The following CYP2E1 variants were observed in gnomAD, a reference collection of about 807,000 sequenced individuals.
CYP2E1 encodes cytochrome P450 2E1.
A neutral mutation model predicts 42.9 loss-of-function variants in CYP2E1; 31 were observed. The observed-to-expected ratio is 0.72, with a 90% confidence interval of 0.54 to 0.98. The LOEUF (loss-of-function observed/expected upper bound fraction) is 0.98, where lower values mean the gene tolerates loss of function less well. Ranked by LOEUF, CYP2E1 falls within the 50% of genes least tolerant of loss-of-function variation. CYP2E1 has a pLI of 0.00. For missense variants in CYP2E1, 565 were observed against 633.2 expected (o/e 0.89, Z 1.16); for synonymous variants, 244 against 248.9 (o/e 0.98, Z 0.19).
rs1851417706 is a variant in CYP2E1 at position 133,537,238 on chromosome 10, C to T, written c.1143C>T (p.Tyr381=). The T allele has an allele frequency of 6.2e-7, 1 of 1,613,702 alleles. No homozygotes were observed. Among genetic ancestry groups the T allele is most frequent in the Admixed American group, 1.7e-5 (1 of 59,974 alleles). The change falls in exon 7 of 9, where the codon TAC becomes TAT. Residue 381 remains tyrosine, a synonymous_variant. Transcript: ENST00000252945. ...EATRDTIFRG[Y]LIPKGTVVVP... is the part of the protein sequence containing the mutation. ...CCCGAGACACCATTTTCAGAGGATA[C>T]CTCATCCCCAAGGTTAAGCAATGAG...
intron 7 of CYP2E1, 93 bp downstream of exon 7, chr10:133,537,343 T>G: frequency 2.2e-6 from 3 of 1,335,174 alleles, no homozygotes; most frequent in Non-Finnish European, 3.1e-6. Context: ...CCCAAGACCC[T>G]TCCCTTTGGC....
chr10:133,532,412 G>T, intron 4 of CYP2E1, 128 bp downstream of exon 4: 16 of 934,078 alleles, frequency 1.7e-5, no homozygotes, highest in Non-Finnish European at 2.6e-5. Flanking sequence ...AGGGGTGTTT[G>T]ATTAGACAGC....
At chr10:133,528,790 T>G in intron 2 of CYP2E1, 150 bp downstream of exon 2, 1 of 1,094,436 alleles carries the variant, frequency 9.1e-7, no homozygotes, top group Non-Finnish European at 1.3e-6. Flanking sequence ...ATTAGGGCGA[T>G]GGCCCCCGCG....
At chr10:133,531,930 C>A in intron 3 of CYP2E1, 194 bp from the exon 4 acceptor site, 1 of 743,872 alleles carries the variant, frequency 1.3e-6, no homozygotes, top group Non-Finnish European at 2.2e-6. Context: ...GGCCATTAAA[C>A]ACGTGACTTG....
chr10:133,533,973 G>T, intron 6 of CYP2E1, 76 bp downstream of exon 6: 1 of 1,503,980 alleles, frequency 6.6e-7, no homozygotes, highest in South Asian at 1.2e-5. Context: ...ATTTTAGGCT[G>T]CAGCTTTCTG....
At chr10:133,534,528 A>C (rs543778489) in intron 6 of CYP2E1, among the ~76,000 whole-genome samples, 13 of 152,286 alleles carry the variant, frequency 8.5e-5, no homozygotes, top group African/African-American at 3.1e-4. Flanking sequence ...ACCCGCATGC[A>C]AACAGGCCAG....
rs748372752 is a variant in CYP2E1 at position 133,538,879 on chromosome 10, C to T, written c.1397C>T (p.Pro466Leu). 1 of 1,614,056 alleles carries T rather than the reference C, an allele frequency of 6.2e-7. No individual in the cohort carries two copies. The highest frequency in any genetic ancestry group is 8.5e-7 in the Non-Finnish European group (1 of 1,180,002). Residue 466 changes from proline to leucine, a missense_variant, in exon 9 of 9, where the codon CCA (proline) becomes CTA (leucine). Physicochemically the swap from Pro to Leu is moderately conservative, Grantham distance 98. Transcript: ENST00000252945. ...TTTAATTTGAAGCCTCTCGTTGACC[C>T]AAAGGATATCGACCTCAGCCCTATA... ...QHFNLKPLVD[P>L]KDIDLSPIHI...
Position 133,537,852 on chromosome 10 carries a change from A to G in CYP2E1, c.1257A>G (p.Gly419=), listed in dbSNP as rs1460037447. 1.2e-6 allele frequency: 2 copies of G among 1,613,980 alleles called. No individual in the cohort carries two copies. Among genetic ancestry groups the G allele is most frequent in the Non-Finnish European group, 1.7e-6 (2 of 1,179,918 alleles). The part of the protein sequence containing the change: ...FKPEHFLNEN[G]KFKYSDYFKP... Reference sequence around the variant, plus strand: ...CAGAACACTTCCTGAATGAAAATGGAAAGTTCAAGTACAGTGACTATTTCA... The same window carrying G: ...CAGAACACTTCCTGAATGAAAATGGGAAGTTCAAGTACAGTGACTATTTCA... Residue 419 remains glycine (G), a synonymous_variant, in exon 8 of 9, where the codon GGA becomes GGG. Transcript: ENST00000252945.
intron 6 of CYP2E1, among the ~76,000 whole-genome samples, chr10:133,536,422 T>C (rs1437649550): frequency 6.7e-6 from 1 of 149,486 alleles, no homozygotes; most frequent in Non-Finnish European, 1.5e-5. Context: ...GACGGATGGA[T>C]GGATGGATGG....
rs1223857405 is a variant in CYP2E1 at position 133,537,777 on chromosome 10, C to A, written c.1182C>A (p.Asp394Glu). 1 of 1,613,924 alleles carries A rather than the reference C, an allele frequency of 6.2e-7. No individual in the cohort carries two copies. The highest frequency in any genetic ancestry group is 1.1e-5 in the South Asian group (1 of 91,058). Residue 394 changes from aspartate to glutamate, a missense_variant, in exon 8 of 9, where the codon GAC becomes GAA. Coordinates refer to ENST00000252945, the MANE Select transcript of CYP2E1 (RefSeq NM_000773.4). ...GCACAGTCGTAGTGCCAACTCTGGA[C>A]TCTGTTTTGTATGACAACCAAGAAT... is the stretch of plus-strand genomic sequence containing the variant. The part of the protein sequence containing the change: ...PKGTVVVPTL[D>E]SVLYDNQEFP...
rs1851300652 is a variant in CYP2E1 at position 133,528,623 on chromosome 10, A to C, written c.320A>C (p.His107Pro). 1 of 1,613,292 alleles carries C rather than the reference A, an allele frequency of 6.2e-7. No individual in the cohort carries two copies. Among genetic ancestry groups the C allele is most frequent in the Non-Finnish European group, 8.5e-7 (1 of 1,179,974 alleles). ...GGCAGAGGCGACCTCCCCGCGTTCC[A>C]TGCGCACAGGGACAGGGGTGAGTCC... Reference protein sequence around the residue: ...FSGRGDLPAFHAHRDRGIIFN... With the variant: ...FSGRGDLPAFPAHRDRGIIFN... The change falls in exon 2 of 9, where the codon CAT becomes CCT. Residue 107 changes from histidine to proline, a missense_variant. Physicochemically the swap from His to Pro is moderately conservative, Grantham distance 77 (BLOSUM62 -2). Transcript: ENST00000252945.
rs114535864 is a variant in CYP2E1, at chr10:133,527,569, C to G, written c.174C>G (p.Thr58=). 51 of 1,608,346 alleles carry G rather than the reference C, an allele frequency of 3.2e-5. No homozygotes were observed. In the African/African-American group the frequency reaches 5.9e-4, roughly 19 times the overall value. ...TGAAGAATATTCCCAAGTCCTTCACCCGGGTAAGAGAAATAGTGTTGATTT... is the reference window on the plus strand; with the variant it reads ...TGAAGAATATTCCCAAGTCCTTCACGCGGGTAAGAGAAATAGTGTTGATTT... The part of the protein sequence containing the change: ...LELKNIPKSF[T]RLAQRFGPVF... Residue 58 remains threonine, a synonymous_variant, in exon 1 of 9, where the codon ACC becomes ACG. Coordinates refer to ENST00000252945, the MANE Select transcript of CYP2E1 (RefSeq NM_000773.4).
intron 8 of CYP2E1, 31 bp from the exon 9 acceptor site, chr10:133,538,749 A>G (rs943024799): frequency 1.3e-6 from 2 of 1,591,340 alleles, no homozygotes; most frequent in African/African-American, 2.7e-5. Flanking sequence ...AAACTCCCTC[A>G]GTGTCTCATC....
Position 133,528,552 on chromosome 10 carries a change from C to G in CYP2E1, c.249C>G (p.Tyr83Ter), listed in dbSNP as rs779825840. The G allele has an allele frequency of 3.1e-6, 5 of 1,613,566 alleles. No individual in the cohort carries two copies. Among genetic ancestry groups the G allele is most frequent in the Non-Finnish European group, 4.2e-6 (5 of 1,179,968 alleles). ...AGCGCATGGTGGTGATGCACGGCTA[C>G]AAGGCGGTGAAGGAAGCGCTGCTGG... Reference protein sequence around the residue: ...GSQRMVVMHGYKAVKEALLDY... With the variant: ...GSQRMVVMHG The change falls in exon 2 of 9, where the codon TAC becomes TAG. Residue 83 changes from tyrosine (Y) to a stop codon, truncating the protein, a stop_gained. Transcript: ENST00000252945. LOFTEE classifies it high-confidence loss of function.
At position 133,532,157 on chromosome 10, in the gene CYP2E1, G is replaced by C. The variant is rs923179921; in HGVS notation, c.521G>C (p.Cys174Ser). The part of the protein sequence containing the change: ...QPFDPTFLIG[C>S]APCNVIADIL... ...TTCGACCCCACCTTCCTCATCGGCT[G>C]CGCGCCCTGCAACGTCATAGCCGAC... Residue 174 changes from cysteine to serine, a missense_variant, in exon 4 of 9, where the codon TGC becomes TCC. Transcript: ENST00000252945. 3 of 1,613,822 alleles carry C rather than the reference G, an allele frequency of 1.9e-6. No individual in the cohort carries two copies. The African/African-American group carries it at 4.0e-5, about 22-fold the overall frequency.
In CYP2E1 at chr10:133,538,689, T is replaced by G. The variant is rs1851436993; in HGVS notation, c.1298-91T>G. On this transcript the variant is annotated intron_variant, in intron 8 of 8. Coordinates refer to ENST00000252945, the MANE Select transcript of CYP2E1 (RefSeq NM_000773.4). ...TTGTGATGGCCGTTTGCCCACAGCC[T>G]CCTCCTCCCCGCTTCCCCTAGTCTC... The G allele has an allele frequency of 5.9e-6, 7 of 1,183,498 alleles. No individual in the cohort carries two copies. The Admixed American group carries it at 1.3e-4, about 22-fold the overall frequency. 73.3% of individuals were successfully genotyped at this position (1,183,498 alleles called of 1,614,324 possible).
intron 6 of CYP2E1, among the ~76,000 whole-genome samples, chr10:133,534,167 A>G (rs1233162358): frequency 2.0e-5 from 3 of 152,172 alleles, no homozygotes; most frequent in Non-Finnish European, 4.4e-5. Flanking sequence ...GAGAGGTGGC[A>G]GGGTCTGCAT....
intron 2 of CYP2E1, among the ~76,000 whole-genome samples, chr10:133,529,470 G>A (rs1851311513): frequency 6.6e-6 from 1 of 152,224 alleles, no homozygotes; most frequent in African/African-American, 2.4e-5. Context: ...TGTCCCACAT[G>A]GAAGCCTCTA....
chr10:133,528,980 C>T (rs1295515025), intron 2 of CYP2E1, among the ~76,000 whole-genome samples: 1 of 152,188 alleles, frequency 6.6e-6, no homozygotes, highest in African/African-American at 2.4e-5. Flanking sequence ...TCCTGTTCAA[C>T]CGCCGGGGTA....
Sources: allele counts gnomAD v4.1 joint callset (sites outside exome capture counted in the v4.1 genomes callset), GRCh38; gene constraint gnomAD v4.1.1; transcripts MANE v1.5; gene names NCBI Gene and HGNC (gene_info 2026-07-23, HGNC 2026-07-21).